Variants in LYST observed in about 807,000 individuals in gnomAD.
LYST encodes the protein lysosomal-trafficking regulator.
A neutral mutation model predicts 413.6 loss-of-function variants in LYST; 192 were observed. That is an observed-to-expected ratio of 0.46 (90% CI 0.41 to 0.52). The LOEUF is 0.52. Ranked by LOEUF, LYST falls within the 20% of genes least tolerant of loss-of-function variation. LYST has a pLI of 0.00. For missense variants in LYST, 3,815 were observed against 4,499.9 expected, an observed-to-expected ratio of 0.85 and a Z score of 4.35; for synonymous variants, 1,525 against 1,567.3, an observed-to-expected ratio of 0.97 and a Z score of 0.64.
At chr1:235,682,789 A>C (rs1198541599) in intron 48 of LYST, among the ~76,000 whole-genome samples, 1 of 152,186 alleles carries the variant, frequency 6.6e-6, no homozygotes, top group Non-Finnish European at 1.5e-5. Context: ...TAGAAGTTCT[A>C]TTTTATTTTT....
chr1:235,781,172 T>A, intron 15 of LYST, 117 bp from the exon 16 acceptor site: 1 of 694,276 alleles, frequency 1.4e-6, no homozygotes, highest in Non-Finnish European at 2.5e-6. Flanking sequence ...GTTCACTATA[T>A]TTTATAAAAT....
intron 1 of LYST, among the ~76,000 whole-genome samples, chr1:235,835,913 CTT>C (rs533385602): frequency 8.9e-4 from 136 of 152,266 alleles, no homozygotes; most frequent in African/African-American, 3.2e-3. Flanking sequence ...TTAAATCTAA[CTT>C]TATCACTATA....
chr1:235,705,036 G>A (rs1661865888), intron 44 of LYST, among the ~76,000 whole-genome samples: 1 of 152,156 alleles, frequency 6.6e-6, no homozygotes, highest in Admixed American at 6.5e-5. Flanking sequence ...GTGCTTAATT[G>A]TGTTAGCAGA....
chr1:235,816,842 C>A (rs1674166848), intron 3 of LYST, among the ~76,000 whole-genome samples: 1 of 152,084 alleles, frequency 6.6e-6, no homozygotes, highest in Non-Finnish European at 1.5e-5. Flanking sequence ...ACGAAGGATG[C>A]CAAAAGCAAT....
At chr1:235,759,635 TC>T in intron 22 of LYST, 36 bp from the exon 23 acceptor site, 4 of 1,478,738 alleles carry the variant, frequency 2.7e-6, no homozygotes, top group Non-Finnish European at 3.8e-6. Flanking sequence ...TACTTAAAAA[TC>T]TATTAAGTGG....
At chr1:235,800,199 C>G in intron 10 of LYST, 121 bp downstream of exon 10, 1 of 694,758 alleles carries the variant, frequency 1.4e-6, no homozygotes, top group Non-Finnish European at 2.6e-6. Flanking sequence ...CGCCTGCCAC[C>G]TCAGCCTCCC....
At chr1:235,710,209 AATG>A (rs1662301308) in intron 43 of LYST, among the ~76,000 whole-genome samples, 1 of 152,306 alleles carries the variant, frequency 6.6e-6, no homozygotes, top group East Asian at 1.9e-4. Context: ...AGTATTTTGA[AATG>A]ATATGATATG....
intron 14 of LYST, among the ~76,000 whole-genome samples, chr1:235,784,046 A>G (rs1219861575): frequency 1.3e-5 from 2 of 151,886 alleles, no homozygotes; most frequent in African/African-American, 4.8e-5. Context: ...TGCCCAGCTA[A>G]TTTTTTTATT....
At chr1:235,867,686 C>T (rs1347334979), upstream of LYST, among the ~76,000 whole-genome samples, 1 of 152,180 alleles carries the variant, frequency 6.6e-6, no homozygotes, top group Admixed American at 6.5e-5. Flanking sequence ...CAGCACGCTG[C>T]TGGCAGACTG....
chr1:235,783,395 T>C (rs1462360823), intron 14 of LYST, among the ~76,000 whole-genome samples: 2 of 152,120 alleles, frequency 1.3e-5, no homozygotes, highest in African/African-American at 4.8e-5. Context: ...CTTAAAATAG[T>C]TTTAAATTTT....
chr1:235,865,049 C>CA (rs1680337452), intron 1 of LYST, among the ~76,000 whole-genome samples: 1 of 152,200 alleles, frequency 6.6e-6, no homozygotes, highest in South Asian at 2.1e-4. Flanking sequence ...TCTCCCACCA[C>CA]ACTCACCTCT....
At position 235,810,425 on chromosome 1, in the gene LYST, A is replaced by C. The variant is rs1194287259; in HGVS notation, c.393T>G (p.Ser131Arg). The C allele has an allele frequency of 1.2e-6, 2 of 1,611,894 alleles. No homozygotes were observed. The highest frequency in any genetic ancestry group is 1.7e-6 in the Non-Finnish European group (2 of 1,179,434). The change falls in exon 5 of 53, where the codon AGT (serine) becomes AGG (arginine). Residue 131 changes from serine to arginine, a missense_variant. Physicochemically the swap from Ser to Arg is moderately radical, Grantham distance 110 (BLOSUM62 -1). This residue lies in a region of LYST where 1,648 missense variants were observed against 1,810.3 expected (regional missense o/e 0.91). Coordinates refer to ENST00000389793, the MANE Select transcript of LYST (RefSeq NM_000081.4). ...KLHLEGSALSSQVSAKVNVFR... is the reference protein window; with the variant it reads ...KLHLEGSALSRQVSAKVNVFR... Reference sequence around the variant, plus strand: ...AAACATTTACTTTTGCAGAAACCTGACTAGACAGGGCACTTCCTTCTAAAT... The same window carrying C: ...AAACATTTACTTTTGCAGAAACCTGCCTAGACAGGGCACTTCCTTCTAAAT...
Position 235,787,385 on chromosome 1 carries a change from G to A in LYST, c.4689-12C>T, listed in dbSNP as rs1410172713. 6.2e-7 allele frequency: 1 copy of A among 1,611,992 alleles called. No individual in the cohort carries two copies. Among genetic ancestry groups the A allele is most frequent in the Non-Finnish European group, 8.5e-7 (1 of 1,178,346 alleles). On this transcript the variant is annotated splice_polypyrimidine_tract_variant and intron_variant, in intron 13 of 52. Coordinates refer to ENST00000389793, the MANE Select transcript of LYST (RefSeq NM_000081.4). ...AATCCATGCACACACTACAGAAAAA[G>A]AGAAAAGGCATAGGCTGAAAACATG... is the stretch of plus-strand genomic sequence containing the variant.
At chr1:235,786,905 G>A (rs1234836703) in intron 14 of LYST, among the ~76,000 whole-genome samples, 2 of 111,296 alleles carry the variant, frequency 1.8e-5, no homozygotes, top group East Asian at 6.2e-4. Flanking sequence ...GTCGTGGGGT[G>A]GGGGGAGGGG....
intron 4 of LYST, among the ~76,000 whole-genome samples, chr1:235,811,358 ATAATT>A (rs139508185): frequency 0.037 from 5,636 of 152,272 alleles, 337 homozygotes; most frequent in African/African-American, 0.13. Context: ...TAGACCTGAT[ATAATT>A]TAACTACTTT....
intron 20 of LYST, among the ~76,000 whole-genome samples, chr1:235,768,429 C>T (rs1247051919): frequency 6.6e-6 from 1 of 152,010 alleles, no homozygotes; most frequent in Non-Finnish European, 1.5e-5. Context: ...AATATACTAC[C>T]AATTTATTAA....
At position 235,804,242 on chromosome 1, in the gene LYST, C is replaced by T. The variant is rs374148707; in HGVS notation, c.3555+262G>A. On this transcript the variant is annotated intron_variant, in intron 7 of 52. Coordinates refer to ENST00000389793, the MANE Select transcript of LYST (RefSeq NM_000081.4). ...CAAGTAATATATTTCTGTCTTAACT[C>T]GAAGTAATTCTCAGTAAATTTCCAG... Among the ~76,000 whole-genome samples the T allele has an allele frequency of 1.0e-3, 154 of 152,202 alleles. 2 individuals carry two copies. In the South Asian group the frequency reaches 0.03, roughly 30 times the overall value.
At chr1:235,844,959 G>A (rs1558332360) in intron 1 of LYST, among the ~76,000 whole-genome samples, 1 of 152,090 alleles carries the variant, frequency 6.6e-6, no homozygotes, top group Admixed American at 6.6e-5. Flanking sequence ...CCTAACTAAA[G>A]AGAGGAGCTC....
rs186751863 is a variant in LYST at position 235,680,503 on chromosome 1, C to G, written c.10801-2884G>C. On this transcript the variant is annotated intron_variant, in intron 48 of 52. Transcript: ENST00000389793. ...TCTCAAACTCTTGGCTTCAAGTGGT[C>G]GTCCCACCTGGGAAGGCCTCCCAAA... 1.3e-4 allele frequency among the ~76,000 whole-genome samples: 20 copies of G among 152,026 alleles called. No homozygotes were observed. The East Asian group carries it at 3.9e-3, about 29-fold the overall frequency.
Sources: allele counts gnomAD v4.1 joint callset (sites outside exome capture counted in the v4.1 genomes callset), GRCh38; gene constraint gnomAD v4.1.1; regional missense constraint gnomAD v4.1.1; transcripts MANE v1.5; gene names NCBI Gene and HGNC (gene_info 2026-07-23, HGNC 2026-07-21).